The following COLEC11 variants were observed in gnomAD, a reference collection of about 807,000 sequenced individuals.
COLEC11 encodes collectin subfamily member 11.
COLEC11 carries 20 observed loss-of-function variants against 27.3 expected under a neutral mutation model. The ratio of observed to expected loss-of-function variants is 0.73; its 90% CI spans 0.51 to 1.06. The LOEUF is 1.06. Ranked by LOEUF, COLEC11 falls within the 50% of genes least tolerant of loss-of-function variation. The pLI is 0.00. For missense variants in COLEC11, 310 were observed against 383.0 expected (o/e 0.81, Z 1.59); for synonymous variants, 163 against 154.7 (o/e 1.05, Z -0.40).
At chr2:3,605,866 G>A (rs914538781) in intron 2 of COLEC11, 16 of 485,368 alleles carry the variant, frequency 3.3e-5, no homozygotes, top group South Asian at 1.7e-4. Context: ...CTGCCAGGCT[G>A]TGCAGCTCTG....
chr2:3,615,068 T>C (rs930223144), intron 3 of COLEC11, among the ~76,000 whole-genome samples: 2 of 152,140 alleles, frequency 1.3e-5, no homozygotes, highest in Non-Finnish European at 2.9e-5. Context: ...GTACCTCATA[T>C]GCACCCTTTC....
chr2:3,628,926 G>A (rs1220513238), intron 3 of COLEC11, among the ~76,000 whole-genome samples: 1 of 152,194 alleles, frequency 6.6e-6, no homozygotes, highest in Admixed American at 6.5e-5. Flanking sequence ...AGTGTGCCGG[G>A]TGCCACAGCC....
At chr2:3,606,961 C>T (rs965114232) in intron 2 of COLEC11, among the ~76,000 whole-genome samples, 4 of 152,242 alleles carry the variant, frequency 2.6e-5, no homozygotes, top group African/African-American at 9.6e-5. Flanking sequence ...TGAGAATCCA[C>T]CAGGCAGGCT....
intron 3 of COLEC11, among the ~76,000 whole-genome samples, chr2:3,616,810 G>GGACT (rs1663788435): frequency 6.9e-6 from 1 of 145,146 alleles, no homozygotes; most frequent in African/African-American, 2.9e-5. Flanking sequence ...GAGAGGGAGA[G>GGACT]GGAGACTGTG....
intron 1 of COLEC11, among the ~76,000 whole-genome samples, chr2:3,599,765 C>T (rs73910596): frequency 6.6e-6 from 1 of 152,202 alleles, no homozygotes; most frequent in Non-Finnish European, 1.5e-5. Context: ...CACTGGCCTA[C>T]TGGCCCCACA....
At chr2:3,626,182 T>A in intron 3 of COLEC11, 1 of 1,056,594 alleles carries the variant, frequency 9.5e-7, no homozygotes, top group Non-Finnish European at 1.5e-6. Flanking sequence ...CCACATGGCT[T>A]GGACAGAACT....
At chr2:3,613,276 G>C in intron 2 of COLEC11, 35 bp from the exon 3 acceptor site, 1 of 1,590,752 alleles carries the variant, frequency 6.3e-7, no homozygotes. Flanking sequence ...GTGCTGGCCA[G>C]ACGAGCTGCT....
At chr2:3,623,643 T>G (rs1280717572) in intron 3 of COLEC11, among the ~76,000 whole-genome samples, 1 of 152,168 alleles carries the variant, frequency 6.6e-6, no homozygotes, top group Non-Finnish European at 1.5e-5. Context: ...AGAGTTTCTG[T>G]TTGGTTCTTT....
At chr2:3,620,059 A>G (rs1264340865) in intron 3 of COLEC11, among the ~76,000 whole-genome samples, 1 of 152,194 alleles carries the variant, frequency 6.6e-6, no homozygotes, top group African/African-American at 2.4e-5. Context: ...CTTTGGTATC[A>G]GGGTAATGCT....
At chr2:3,600,932 C>T (rs936297704) in intron 1 of COLEC11, among the ~76,000 whole-genome samples, 1 of 152,206 alleles carries the variant, frequency 6.6e-6, no homozygotes, top group African/African-American at 2.4e-5. Context: ...GGACAATGCC[C>T]GGCCCCGTGA....
chr2:3,610,383 C>T (rs1188095450), intron 2 of COLEC11, among the ~76,000 whole-genome samples: 2 of 152,360 alleles, frequency 1.3e-5, no homozygotes, highest in Non-Finnish European at 2.9e-5. Context: ...CACCCGCCTT[C>T]TTCCTGGTGC....
intron 3 of COLEC11, among the ~76,000 whole-genome samples, chr2:3,625,195 C>T (rs1388659850): frequency 6.6e-6 from 1 of 152,228 alleles, no homozygotes; most frequent in Admixed American, 6.5e-5. Context: ...TTCCTTCCTT[C>T]TCCCACTTAG....
chr2:3,621,691 C>G lies in COLEC11; in HGVS notation c.202+8309C>G, dbSNP rs1458764794. Among the ~76,000 whole-genome samples, 3 of 151,940 alleles carry G rather than the reference C, an allele frequency of 2.0e-5. No individual in the cohort carries two copies. The East Asian group carries it at 5.8e-4, about 29-fold the overall frequency. ...AGTATGCATTGATTCCTTTTTCTTT[C>G]TTTTGTGTATGTACTAGGTTTTTTA... On this transcript the variant is annotated intron_variant, in intron 3 of 6. Coordinates refer to ENST00000349077, the MANE Select transcript of COLEC11 (RefSeq NM_024027.5).
intron 4 of COLEC11, 111 bp downstream of exon 4, chr2:3,637,715 A>G: frequency 1.1e-6 from 1 of 880,400 alleles, no homozygotes; most frequent in Non-Finnish European, 1.9e-6. Flanking sequence ...TCTTATTTAT[A>G]TTCGGTGCAT....
intron 1 of COLEC11, among the ~76,000 whole-genome samples, chr2:3,598,639 G>A (rs374427504): frequency 1.4e-3 from 209 of 152,262 alleles, no homozygotes; most frequent in African/African-American, 4.5e-3. Flanking sequence ...TCTAATATCC[G>A]CGTGAGCACA....
At chr2:3,604,978 T>G in intron 2 of COLEC11, 1 of 436,298 alleles carries the variant, frequency 2.3e-6, no homozygotes, top group South Asian at 1.7e-5. Context: ...TTTTTTTTCT[T>G]GTTGCTTTGT....
At chr2:3,633,600 C>T (rs946114533) in intron 3 of COLEC11, among the ~76,000 whole-genome samples, 6 of 152,228 alleles carry the variant, frequency 3.9e-5, no homozygotes, top group Non-Finnish European at 7.4e-5. Flanking sequence ...TGGACCTCCT[C>T]GCGAGGGGAC....
chr2:3,598,880 C>T (rs1043066479), intron 1 of COLEC11, among the ~76,000 whole-genome samples: 1 of 152,174 alleles, frequency 6.6e-6, no homozygotes, highest in African/African-American at 2.4e-5. Flanking sequence ...TAATAAGGTA[C>T]AAGGTTGTTT....
intron 1 of COLEC11, chr2:3,603,647 T>A (rs1336464472): frequency 3.2e-6 from 5 of 1,550,908 alleles, no homozygotes; most frequent in Non-Finnish European, 3.5e-6. Context: ...CCCTTCACGA[T>A]GAAGAAACAA....
Sources: allele counts gnomAD v4.1 joint callset (sites outside exome capture counted in the v4.1 genomes callset), GRCh38; gene constraint gnomAD v4.1.1; transcripts MANE v1.5; gene names NCBI Gene and HGNC (gene_info 2026-07-23, HGNC 2026-07-21).